The following LRP12 variants were observed in gnomAD, a reference collection of about 807,000 sequenced individuals.
The protein encoded by LRP12 is low-density lipoprotein receptor-related protein 12.
A neutral mutation model predicts 66.0 loss-of-function variants in LRP12; 14 were observed. The ratio of observed to expected loss-of-function variants is 0.21; its 90% CI spans 0.14 to 0.33. The LOEUF is 0.33. Among genes scored for constraint, LRP12 ranks in the 10% least tolerant of loss-of-function variants. The pLI, the probability that LRP12 is intolerant of heterozygous loss-of-function variation, is 1.00. For missense variants in LRP12, 889 were observed against 1,053.4 expected (o/e 0.84, Z 2.16); for synonymous variants, 357 against 359.1 (o/e 0.99, Z 0.07).
chr8:104,546,240 A>T (rs1218764621), intron 1 of LRP12, among the ~76,000 whole-genome samples: 2 of 152,148 alleles, frequency 1.3e-5, no homozygotes, highest in African/African-American at 2.4e-5. Context: ...TATCTTTATA[A>T]AATCAGCTTT....
intron 1 of LRP12, among the ~76,000 whole-genome samples, chr8:104,542,290 C>A (rs377481067): frequency 1.3e-5 from 2 of 152,136 alleles, no homozygotes; most frequent in East Asian, 3.9e-4. Context: ...TTATGCTATT[C>A]TTTGGAGAAA....
Position 104,588,988 on chromosome 8 carries a change from C to CCGCCGCCGCCGCCGA in LRP12, c.-92_-91insTCGGCGGCGGCGGCG. 1.1e-6 allele frequency: 1 copy of CCGCCGCCGCCGCCGA among 922,668 alleles called. No individual in the cohort carries two copies. The highest frequency in any genetic ancestry group is 1.6e-6 in the Non-Finnish European group (1 of 622,866). 57.2% of individuals were successfully genotyped at this position (922,668 alleles called of 1,614,324 possible). A position where few individuals can be genotyped will look rare whatever the true frequency, so the allele number is the denominator to read the frequency against. ...GACGCCGACGCCGCCGCCGCCGCCGCCGCCGCCGCCGAGCCACCGGCTGCT... is the reference window on the plus strand; with the variant it reads ...GACGCCGACGCCGCCGCCGCCGCCGCCGCCGCCGCCGCCGACGCCGCCGCCGAGCCACCGGCTGCT... On this transcript the variant is annotated 5_prime_UTR_variant, in exon 1 of 7. Coordinates refer to ENST00000276654, the MANE Select transcript of LRP12 (RefSeq NM_013437.5).
intron 1 of LRP12, among the ~76,000 whole-genome samples, chr8:104,584,314 T>C (rs1812297699): frequency 6.6e-6 from 1 of 151,906 alleles, no homozygotes; most frequent in Non-Finnish European, 1.5e-5. Context: ...TCTATATAAT[T>C]CTCACTTATA....
At chr8:104,585,387 G>GA (rs1812313981) in intron 1 of LRP12, among the ~76,000 whole-genome samples, 1 of 152,078 alleles carries the variant, frequency 6.6e-6, no homozygotes, top group Non-Finnish European at 1.5e-5. Flanking sequence ...CAGCACACCT[G>GA]GCTAATTTTT....
intron 1 of LRP12, among the ~76,000 whole-genome samples, chr8:104,567,667 T>C (rs142432792): frequency 5.3e-5 from 8 of 152,306 alleles, no homozygotes; most frequent in African/African-American, 9.6e-5. Flanking sequence ...AGTATATTCA[T>C]ATGCACCAAC....
intron 1 of LRP12, among the ~76,000 whole-genome samples, chr8:104,585,518 G>T (rs1588514142): frequency 6.6e-6 from 1 of 152,138 alleles, no homozygotes; most frequent in Admixed American, 6.5e-5. Context: ...GAGTCACCAC[G>T]CCTGGCCTCT....
chr8:104,570,631 T>G (rs1217562478), intron 1 of LRP12, among the ~76,000 whole-genome samples: 1 of 152,160 alleles, frequency 6.6e-6, no homozygotes, highest in Non-Finnish European at 1.5e-5. Flanking sequence ...TAAATTATAA[T>G]GAATTTTAGA....
rs202159237 is a variant in LRP12 at position 104,491,590 on chromosome 8, T to A, written c.1714-51A>T. 1.4e-3 allele frequency: 1,124 copies of A among 819,684 alleles called. No individual in the cohort carries two copies. Among genetic ancestry groups the A allele is most frequent in the Admixed American group, 5.6e-3 (149 of 26,812 alleles). The allele number at this position is 819,684 out of a possible 1,614,324, so 50.8% of individuals were successfully genotyped here. On this transcript the variant is annotated intron_variant, in intron 6 of 6. Coordinates refer to ENST00000276654, the MANE Select transcript of LRP12 (RefSeq NM_013437.5). ...GATAGTTAACAACAAGGTACTAAGA[T>A]AAAAAAAAAAAAAAACACCCTTCTA...
intron 1 of LRP12, among the ~76,000 whole-genome samples, chr8:104,583,759 T>C (rs1812290223): frequency 6.6e-6 from 1 of 152,140 alleles, no homozygotes. Flanking sequence ...GTTTCAATGT[T>C]CTCTTCCATA....
rs371713425 is a variant in LRP12 at position 104,553,679 on chromosome 8, G to A, written c.80-21716C>T. ...CCTGCCTGGTAGCCAAAAAACAAAGGACATAATCTCTTGGGAGCTCTGTGG... is the reference window on the plus strand; with the variant it reads ...CCTGCCTGGTAGCCAAAAAACAAAGAACATAATCTCTTGGGAGCTCTGTGG... On this transcript the variant is annotated intron_variant, in intron 1 of 6. Coordinates refer to ENST00000276654, the MANE Select transcript of LRP12 (RefSeq NM_013437.5). Among the ~76,000 whole-genome samples, 64 of 152,244 alleles carry A rather than the reference G, an allele frequency of 4.2e-4. No homozygotes were observed. The Middle Eastern group carries it at 0.014, about 32-fold the overall frequency.
At position 104,497,296 on chromosome 8, in the gene LRP12, G is replaced by A. The variant is rs1393255386; in HGVS notation, c.1256C>T (p.Pro419Leu). Residue 419 changes from proline to leucine, a missense_variant, in exon 5 of 7, where the codon CCA (proline) becomes CTA (leucine). Physicochemically the swap from Pro to Leu is moderately conservative, Grantham distance 98. Coordinates refer to ENST00000276654, the MANE Select transcript of LRP12 (RefSeq NM_013437.5). The surrounding 1 kb of genome is among the most constrained non-coding windows in gnomAD (Gnocchi z 4.3). ...ATAACAGACACCATTTCGGGAACAT[G>A]GAAATTCTTCCTTCTGGCACATGGT... is the stretch of plus-strand genomic sequence containing the variant. ...NCTMCQKEEF[P>L]CSRNGVCYPR... is the part of the protein sequence containing the mutation. The A allele has an allele frequency of 2.5e-5, 41 of 1,614,004 alleles. No individual in the cohort carries two copies. Among genetic ancestry groups the A allele is most frequent in the Non-Finnish European group, 3.4e-5 (40 of 1,180,024 alleles).
At chr8:104,567,308 A>G (rs1812020684) in intron 1 of LRP12, among the ~76,000 whole-genome samples, 2 of 152,342 alleles carry the variant, frequency 1.3e-5, no homozygotes, top group Admixed American at 1.3e-4. Context: ...GGCACTTCTT[A>G]CATGGCAGCA....
intron 1 of LRP12, among the ~76,000 whole-genome samples, chr8:104,576,179 C>T (rs1812161927): frequency 6.6e-6 from 1 of 152,036 alleles, no homozygotes; most frequent in South Asian, 2.1e-4. Context: ...AAAATGGAAC[C>T]AACTTGGTAA....
At chr8:104,548,619 T>TTATATAATTATTATATAATTAAATTAAA (rs1564142504) in intron 1 of LRP12, among the ~76,000 whole-genome samples, 3 of 114,752 alleles carry the variant, frequency 2.6e-5, no homozygotes, top group Non-Finnish European at 5.1e-5. Flanking sequence ...ATTAAATTAA[T>TTATATAATTATTATATAATTAAATTAAA]TATATAATTA....
intron 1 of LRP12, among the ~76,000 whole-genome samples, chr8:104,586,813 G>A (rs1270262829): frequency 6.6e-6 from 1 of 151,856 alleles, no homozygotes; most frequent in Admixed American, 6.6e-5. Context: ...ATAGTTTAAT[G>A]TTCTGCCTGG....
chr8:104,511,170 A>C (rs1810990310), intron 2 of LRP12, among the ~76,000 whole-genome samples: 1 of 150,242 alleles, frequency 6.7e-6, no homozygotes, highest in Non-Finnish European at 1.5e-5. Flanking sequence ...CAGCCTCCCG[A>C]GTAAGTAGGA....
intron 1 of LRP12, among the ~76,000 whole-genome samples, chr8:104,584,148 G>A (rs894277138): frequency 8.6e-5 from 13 of 151,824 alleles, no homozygotes; most frequent in Admixed American, 2.0e-4. Context: ...GAGTGATAAG[G>A]AGAAAAGAAG....
At chr8:104,531,846 G>T in intron 2 of LRP12, 61 bp downstream of exon 2, 1 of 1,062,800 alleles carries the variant, frequency 9.4e-7, no homozygotes, top group Non-Finnish European at 1.4e-6. Flanking sequence ...ATACCAGGTG[G>T]CTTTCAATAT....
At chr8:104,551,071 T>C (rs3134532) in intron 1 of LRP12, among the ~76,000 whole-genome samples, 123,481 of 152,130 alleles carry the variant, frequency 0.81, 50,527 homozygotes, top group African/African-American at 0.92. Context: ...TTTTGCTACT[T>C]CTTTTCTGCC....
Sources: gnomAD v4.1 joint callset for allele counts (sites outside exome capture counted in the v4.1 genomes callset) on GRCh38, gnomAD v4.1.1 for gene constraint, Gnocchi (gnomAD v3.1) non-coding constraint, MANE v1.5 for transcripts, NCBI Gene and HGNC (gene_info 2026-07-23, HGNC 2026-07-21) for gene names.